CREB3L2: variants seen among roughly 807,000 people sequenced by gnomAD.
CREB3L2 encodes the protein cAMP responsive element binding protein 3 like 2, also known as cyclic AMP-responsive element-binding protein 3-like protein 2.
A neutral mutation model predicts 57.2 loss-of-function variants in CREB3L2; 23 were observed. The ratio of observed to expected loss-of-function variants is 0.40; its 90% confidence interval spans 0.29 to 0.57. The LOEUF is 0.57. CREB3L2 is among the 20% of genes least tolerant of loss of function. The pLI, the probability that CREB3L2 is intolerant of heterozygous loss-of-function variation, is 0.42. For missense variants in CREB3L2, 628 were observed against 634.7 expected, an observed-to-expected ratio of 0.99 and a Z score of 0.11; for synonymous variants, 268 against 265.1, an observed-to-expected ratio of 1.01 and a Z score of -0.11.
intron 1 of CREB3L2, among the ~76,000 whole-genome samples, chr7:137,979,179 C>T (rs1434626546): frequency 1.3e-5 from 2 of 152,218 alleles, no homozygotes; most frequent in Non-Finnish European, 2.9e-5. Context: ...ATGTTCAGGA[C>T]ACACAGTGAG....
intron 1 of CREB3L2, among the ~76,000 whole-genome samples, chr7:137,932,721 T>A (rs1328821623): frequency 5.3e-5 from 8 of 152,206 alleles, no homozygotes; most frequent in Non-Finnish European, 8.8e-5. Context: ...CTTACAAAGT[T>A]CCTACAAGTT....
At chr7:137,902,194 CAAAAAAA>C (rs58506555) in intron 7 of CREB3L2, among the ~76,000 whole-genome samples, 12,711 of 85,282 alleles carry the variant, frequency 0.15, 1,846 homozygotes, top group African/African-American at 0.4. Context: ...ACTCTGTCTC[CAAAAAAA>C]AAAAAAAAAA....
At position 137,882,299 on chromosome 7, in the gene CREB3L2, G is replaced by A; in HGVS notation, c.1487+113C>T. 1.2e-5 allele frequency: 9 copies of A among 746,548 alleles called. No individual in the cohort carries two copies. In the South Asian group the frequency reaches 1.3e-4, roughly 11 times the overall value. 46.2% of individuals were successfully genotyped at this position (746,548 alleles called of 1,614,324 possible). On this transcript the variant is annotated intron_variant, in intron 11 of 11. Transcript: ENST00000330387. ...GGTCCTGGAAATAGGTCCTGAGAGA[G>A]CTGAGGGACTGAACCAGGCCTATGG...
intron 3 of CREB3L2, 118 bp downstream of exon 3, chr7:137,915,719 C>T (rs1563250654): frequency 1.2e-6 from 1 of 800,062 alleles, no homozygotes; most frequent in Non-Finnish European, 2.0e-6. Context: ...TATGAAGTTG[C>T]ATGTCCTTAA....
chr7:137,998,902 G>A (rs905651505), intron 1 of CREB3L2, among the ~76,000 whole-genome samples: 7 of 152,052 alleles, frequency 4.6e-5, no homozygotes, highest in African/African-American at 9.7e-5. Flanking sequence ...CCTGCCTTTC[G>A]GATGATAAAC....
At position 137,902,790 on chromosome 7, in the gene CREB3L2, G is replaced by T. The variant is rs534323728; in HGVS notation, c.974+1169C>A. On this transcript the variant is annotated intron_variant, in intron 7 of 11. Coordinates refer to ENST00000330387, the MANE Select transcript of CREB3L2 (RefSeq NM_194071.4). Reference sequence around the variant, plus strand: ...TATAGTTGTATTATTTTTTATTGTTGTAGTTTTTTTTTATTGAGTTGTTTG... The same window carrying T: ...TATAGTTGTATTATTTTTTATTGTTTTAGTTTTTTTTTATTGAGTTGTTTG... 3.6e-3 allele frequency among the ~76,000 whole-genome samples: 252 copies of T among 70,110 alleles called. 1 individual carries two copies. Among genetic ancestry groups the T allele is most frequent in the Non-Finnish European group, 5.0e-3 (197 of 39,618 alleles). The allele number at this position is 70,110 out of a possible 152,430, so 46.0% of individuals were successfully genotyped here.
At chr7:137,947,800 A>C (rs976684442) in intron 1 of CREB3L2, among the ~76,000 whole-genome samples, 7 of 152,212 alleles carry the variant, frequency 4.6e-5, no homozygotes, top group African/African-American at 1.7e-4. Flanking sequence ...TATAAGACAC[A>C]TTTCTTAACT....
chr7:137,967,188 C>T (rs532579356), intron 1 of CREB3L2, among the ~76,000 whole-genome samples: 1 of 152,344 alleles, frequency 6.6e-6, no homozygotes, highest in South Asian at 2.1e-4. Context: ...CTCAACTATG[C>T]TGGCACACTG....
Position 137,953,611 on chromosome 7 carries a change from G to A in CREB3L2, c.103-25245C>T, listed in dbSNP as rs976516991. The A allele has an allele frequency of 8.3e-6, 8 of 968,480 alleles. No homozygotes were observed. In the Admixed American group the frequency reaches 1.6e-4, roughly 20 times the overall value. 60.0% of individuals were successfully genotyped at this position (968,480 alleles called of 1,614,324 possible). On this transcript the variant is annotated intron_variant, in intron 1 of 11. Coordinates refer to ENST00000330387, the MANE Select transcript of CREB3L2 (RefSeq NM_194071.4). ...CTAGAGAAATCATTTCATCTCTGTT[G>A]GAAAGTCCTTGTTTCACTTGCATTG... is the stretch of plus-strand genomic sequence containing the variant.
At chr7:137,899,496 T>G (rs1343797710) in intron 8 of CREB3L2, among the ~76,000 whole-genome samples, 1 of 152,154 alleles carries the variant, frequency 6.6e-6, no homozygotes, top group African/African-American at 2.4e-5. Flanking sequence ...GCTAAAAACA[T>G]GCATACATAT....
chr7:137,875,403 T>C lies in CREB3L2; in HGVS notation c.*5073A>G, dbSNP rs1799125558. On this transcript the variant is annotated 3_prime_UTR_variant, in exon 12 of 12. Transcript: ENST00000330387. The stretch of plus-strand genomic sequence containing the variant: ...CTAAGTAGTGTAAGCCATGGGTACA[T>C]GGTGCAAAAAGTTCATGTTCTCACT... 1 of 220,892 alleles carries C rather than the reference T, an allele frequency of 4.5e-6. No individual in the cohort carries two copies. Among genetic ancestry groups the C allele is most frequent in the Non-Finnish European group, 9.1e-6 (1 of 110,424 alleles). The allele number at this position is 220,892 out of a possible 1,614,324, so 13.7% of individuals were successfully genotyped here.
intron 1 of CREB3L2, among the ~76,000 whole-genome samples, chr7:137,937,478 CA>C (rs1395566964): frequency 6.6e-6 from 1 of 152,126 alleles, no homozygotes; most frequent in African/African-American, 2.4e-5. Flanking sequence ...GGCTCTCACA[CA>C]AGTACCCTGC....
intron 1 of CREB3L2, among the ~76,000 whole-genome samples, chr7:137,930,078 T>G (rs536678329): frequency 1.4e-4 from 22 of 151,744 alleles, no homozygotes; most frequent in African/African-American, 5.3e-4. Context: ...TTTGTATTTG[T>G]AGTAGAGACA....
intron 10 of CREB3L2, 102 bp from the exon 11 acceptor site, chr7:137,882,730 T>A (rs988505664): frequency 1.3e-6 from 1 of 759,330 alleles, no homozygotes; most frequent in Non-Finnish European, 2.0e-6. Context: ...TGACAATGTG[T>A]GTGTTCTCGT....
intron 8 of CREB3L2, among the ~76,000 whole-genome samples, chr7:137,898,578 A>C (rs1020478880): frequency 2.0e-5 from 3 of 152,252 alleles, no homozygotes; most frequent in African/African-American, 7.2e-5. Context: ...TCTCTAGCCA[A>C]TAAGTATACA....
In CREB3L2 at chr7:137,900,715, A is replaced by C. The variant is rs531461912; in HGVS notation, c.1043+639T>G. ...GCTGCTCAGGAGGCTGAGGCAGGAG[A>C]ATCACTTGAACCCGGGAGGCAGAGC... On this transcript the variant is annotated intron_variant, in intron 8 of 11. Coordinates refer to ENST00000330387, the MANE Select transcript of CREB3L2 (RefSeq NM_194071.4). Among the ~76,000 whole-genome samples, 5 of 152,016 alleles carry C rather than the reference A, an allele frequency of 3.3e-5. No individual in the cohort carries two copies. In the South Asian group the frequency reaches 1.0e-3, roughly 32 times the overall value.
chr7:137,981,711 A>C (rs116696007), intron 1 of CREB3L2, among the ~76,000 whole-genome samples: 1,918 of 152,288 alleles, frequency 0.013, 45 homozygotes, highest in African/African-American at 0.044. Flanking sequence ...AGCTTCTACT[A>C]TTGTCTGCTT....
At chr7:137,935,968 T>A in intron 1 of CREB3L2, 1 of 981,082 alleles carries the variant, frequency 1.0e-6, no homozygotes. Context: ...GGCCACTTCC[T>A]GCTGCTAACA....
At chr7:137,914,671 G>A (rs1800088261) in intron 3 of CREB3L2, among the ~76,000 whole-genome samples, 1 of 151,980 alleles carries the variant, frequency 6.6e-6, no homozygotes, top group Non-Finnish European at 1.5e-5. Context: ...AAATTCTGTG[G>A]AGCAAGGAGA....
Sources: allele counts gnomAD v4.1 joint callset (sites outside exome capture counted in the v4.1 genomes callset), GRCh38; gene constraint gnomAD v4.1.1; transcripts MANE v1.5; gene names NCBI Gene and HGNC (gene_info 2026-07-23, HGNC 2026-07-21).